EXOC4: variants seen among roughly 807,000 people sequenced by gnomAD.
EXOC4 encodes exocyst complex component 4.
Under a neutral mutation model 107.2 loss-of-function variants are expected in EXOC4, and 71 were observed. The ratio of observed to expected loss-of-function variants is 0.66; its 90% CI spans 0.55 to 0.81. The LOEUF (loss-of-function observed/expected upper bound fraction) is 0.81. Ranked by LOEUF, EXOC4 falls within the 30% of genes least tolerant of loss-of-function variation. EXOC4 has a pLI of 0.00. For synonymous variants in EXOC4, 456 were observed against 441.2 expected, an observed-to-expected ratio of 1.03 and a Z score of -0.42; for missense variants, 1,108 against 1,189.6, an observed-to-expected ratio of 0.93 and a Z score of 1.01.
intron 6 of EXOC4, among the ~76,000 whole-genome samples, chr7:133,363,961 A>AT (rs1397981871): frequency 6.6e-6 from 1 of 152,076 alleles, no homozygotes; most frequent in East Asian, 1.9e-4. Context: ...TATATGATTA[A>AT]AGCACCTTCA....
chr7:134,077,653 T>C, the EXOC4 span, among the ~76,000 whole-genome samples: 2 of 152,164 alleles, frequency 1.3e-5, no homozygotes, highest in African/African-American at 4.8e-5. Flanking sequence ...GGGGGTGGGC[T>C]AGCTTAAAGC....
intron 10 of EXOC4, among the ~76,000 whole-genome samples, chr7:133,682,374 G>A (rs755498557): frequency 6.6e-5 from 10 of 152,134 alleles, no homozygotes; most frequent in Admixed American, 2.0e-4. Context: ...TCTCGTGATA[G>A]TGAATAAGTC....
downstream of EXOC4, among the ~76,000 whole-genome samples, chr7:134,069,168 C>T (rs1194391084): frequency 3.3e-5 from 5 of 152,100 alleles, no homozygotes; most frequent in African/African-American, 1.2e-4. Flanking sequence ...CCACTGTGCC[C>T]CACTAGCTAG....
At chr7:133,384,688 T>TA (rs1386015911) in intron 7 of EXOC4, among the ~76,000 whole-genome samples, 2 of 150,838 alleles carry the variant, frequency 1.3e-5, no homozygotes, top group African/African-American at 4.9e-5. Flanking sequence ...AGAGCAAAGG[T>TA]AATTACATTT....
intron 7 of EXOC4, among the ~76,000 whole-genome samples, chr7:133,441,844 G>T (rs1798112232): frequency 6.6e-6 from 1 of 152,210 alleles, no homozygotes; most frequent in African/African-American, 2.4e-5. Flanking sequence ...GGGTGTGTGT[G>T]TGTATGTGTG....
At chr7:133,380,592 G>T (rs987997059) in intron 7 of EXOC4, among the ~76,000 whole-genome samples, 2 of 152,002 alleles carry the variant, frequency 1.3e-5, no homozygotes, top group Admixed American at 1.3e-4. Flanking sequence ...TTTTATCATA[G>T]ATCTATGATC....
In EXOC4 at chr7:133,817,468, A is replaced by G. The variant is rs1008390359; in HGVS notation, c.1658A>G (p.Lys553Arg). ...AACAAGGAGATTGAAGGAGTCACTAAAACATCTGACCCTTTGAAGATTCTG... is the reference window on the plus strand; with the variant it reads ...AACAAGGAGATTGAAGGAGTCACTAGAACATCTGACCCTTTGAAGATTCTG... Reference protein sequence around the residue: ...EINKEIEGVTKTSDPLKILAN... With the variant: ...EINKEIEGVTRTSDPLKILAN... The change falls in exon 11 of 18, where the codon AAA becomes AGA. Residue 553 changes from lysine (K) to arginine (R), a missense_variant. By Grantham distance (26) the Lys-to-Arg change is conservative. Coordinates refer to ENST00000253861, the MANE Select transcript of EXOC4 (RefSeq NM_021807.4). 3.1e-6 allele frequency: 5 copies of G among 1,614,146 alleles called. No homozygotes were observed. In the East Asian group the frequency reaches 1.1e-4, roughly 36 times the overall value.
At chr7:133,820,545 A>T (rs573547602) in intron 11 of EXOC4, among the ~76,000 whole-genome samples, 1 of 152,254 alleles carries the variant, frequency 6.6e-6, no homozygotes, top group Non-Finnish European at 1.5e-5. Flanking sequence ...TTAGCTGAGA[A>T]TCCAAAACAA....
chr7:133,671,608 C>T (rs1395754327), intron 10 of EXOC4, among the ~76,000 whole-genome samples: 3 of 151,832 alleles, frequency 2.0e-5, no homozygotes, highest in Non-Finnish European at 4.4e-5. Flanking sequence ...ATTTGGCTGC[C>T]GTATGAAGAA....
At chr7:133,765,005 A>C (rs1199108137) in intron 10 of EXOC4, among the ~76,000 whole-genome samples, 15 of 152,074 alleles carry the variant, frequency 9.9e-5, no homozygotes, top group Admixed American at 9.8e-4. Context: ...AGGTAACTAC[A>C]GTTGTGACCA....
intron 9 of EXOC4, among the ~76,000 whole-genome samples, chr7:133,536,114 T>G (rs1800265016): frequency 6.6e-6 from 1 of 152,178 alleles, no homozygotes; most frequent in Non-Finnish European, 1.5e-5. Context: ...CTAGCTTTAT[T>G]GAGTTACTCA....
Position 134,064,726 on chromosome 7 carries a change from T to C in EXOC4, c.*198T>C, listed in dbSNP as rs1351081519. On this transcript the variant is annotated 3_prime_UTR_variant, in exon 18 of 18. Coordinates refer to ENST00000253861, the MANE Select transcript of EXOC4 (RefSeq NM_021807.4). Reference sequence around the variant, plus strand: ...AGGCGACAGTACAGAGTGTTTTGGTTGAACAACTACTTTAATGCAGTCAAA... The same window carrying C: ...AGGCGACAGTACAGAGTGTTTTGGTCGAACAACTACTTTAATGCAGTCAAA... 5.3e-6 allele frequency: 2 copies of C among 380,342 alleles called. No homozygotes were observed. The highest frequency in any genetic ancestry group is 8.1e-5 in the East Asian group (2 of 24,828). 23.6% of individuals were successfully genotyped at this position (380,342 alleles called of 1,614,324 possible). A position where few individuals can be genotyped will look rare whatever the true frequency, so the allele number is the denominator to read the frequency against.
chr7:133,355,401 A>G (rs1795999081), intron 5 of EXOC4, among the ~76,000 whole-genome samples: 3 of 152,012 alleles, frequency 2.0e-5, no homozygotes, highest in African/African-American at 7.2e-5. Flanking sequence ...TAAGTCAGAG[A>G]TTTGTAACGT....
intron 4 of EXOC4, among the ~76,000 whole-genome samples, chr7:133,307,079 C>T (rs774761850): frequency 1.3e-5 from 2 of 152,184 alleles, no homozygotes; most frequent in Non-Finnish European, 2.9e-5. Flanking sequence ...GTTCATGCTT[C>T]TTCATTCAGA....
chr7:133,526,833 A>T (rs537316367), intron 9 of EXOC4, among the ~76,000 whole-genome samples: 2 of 152,012 alleles, frequency 1.3e-5, no homozygotes, highest in Admixed American at 1.3e-4. Flanking sequence ...TTAGCTGGGC[A>T]TGGTGGCATG....
intron 1 of EXOC4, among the ~76,000 whole-genome samples, chr7:133,264,331 T>C (rs371902174): frequency 1.4e-4 from 21 of 152,332 alleles, no homozygotes; most frequent in South Asian, 1.2e-3. Flanking sequence ...CAATGAATTT[T>C]CAATTGACTT....
intron 17 of EXOC4, among the ~76,000 whole-genome samples, chr7:134,058,465 A>G (rs1445972562): frequency 6.6e-6 from 1 of 152,232 alleles, no homozygotes; most frequent in Non-Finnish European, 1.5e-5. Context: ...CAAAAAGGGA[A>G]GAAATAAAAA....
chr7:133,539,889 C>T (rs1161252908), intron 9 of EXOC4, among the ~76,000 whole-genome samples: 1 of 152,070 alleles, frequency 6.6e-6, no homozygotes, highest in Non-Finnish European at 1.5e-5. Flanking sequence ...TGTCTATATG[C>T]TCTCCCAGAA....
chr7:133,938,236 T>C (rs1055110790), intron 14 of EXOC4, among the ~76,000 whole-genome samples, 167 bp downstream of exon 14: 1 of 152,186 alleles, frequency 6.6e-6, no homozygotes, highest in South Asian at 2.1e-4. Context: ...ACTTTGTGAT[T>C]CTGGGAAAGG....
Sources: allele counts gnomAD v4.1 joint callset (sites outside exome capture counted in the v4.1 genomes callset), GRCh38; gene constraint gnomAD v4.1.1; transcripts MANE v1.5; gene names NCBI Gene and HGNC (gene_info 2026-07-23, HGNC 2026-07-21).